DLG2: variants seen among roughly 807,000 people sequenced by gnomAD.
DLG2 encodes the protein discs large MAGUK scaffold protein 2.
DLG2 carries 45 observed loss-of-function variants against 132.5 expected under a neutral mutation model. That is an observed-to-expected ratio of 0.34 (90% CI 0.27 to 0.44). The LOEUF (loss-of-function observed/expected upper bound fraction) is 0.44. Ranked by LOEUF, DLG2 falls within the 20% of genes least tolerant of loss-of-function variation. DLG2 has a pLI of 1.00. For synonymous variants in DLG2, 424 were observed against 419.6 expected, an observed-to-expected ratio of 1.01 and a Z score of -0.13; for missense variants, 1,045 against 1,196.9, an observed-to-expected ratio of 0.87 and a Z score of 1.87.
chr11:83,869,330 C>T (rs1179213410), intron 16 of DLG2, among the ~76,000 whole-genome samples: 1 of 152,092 alleles, frequency 6.6e-6, no homozygotes, highest in Non-Finnish European at 1.5e-5. Context: ...CCCACCCAGG[C>T]AAAAGGAGTA....
chr11:84,930,374 T>C (rs746945893), intron 6 of DLG2, among the ~76,000 whole-genome samples: 3 of 152,142 alleles, frequency 2.0e-5, no homozygotes, highest in Non-Finnish European at 2.9e-5. Context: ...ATAGTATTGT[T>C]AATTATTCTT....
At chr11:85,111,918 G>T (rs1303537549) in intron 5 of DLG2, among the ~76,000 whole-genome samples, 183 bp from the exon 6 acceptor site, 1 of 152,028 alleles carries the variant, frequency 6.6e-6, no homozygotes, top group African/African-American at 2.4e-5. Flanking sequence ...CAAAGCATAA[G>T]AAATTATCCT....
intron 3 of DLG2, among the ~76,000 whole-genome samples, chr11:85,355,075 A>G (rs2083589285): frequency 6.6e-6 from 1 of 152,140 alleles, no homozygotes; most frequent in Non-Finnish European, 1.5e-5. Flanking sequence ...ATGCCATTTA[A>G]TAAATCAGGC....
intron 18 of DLG2, among the ~76,000 whole-genome samples, chr11:83,668,034 G>A (rs1450462030): frequency 7.1e-6 from 1 of 140,454 alleles, no homozygotes; most frequent in Admixed American, 7.2e-5. Flanking sequence ...GCCCCTGGCT[G>A]CCAGTCACTT....
intron 3 of DLG2, among the ~76,000 whole-genome samples, chr11:85,448,101 C>T (rs1245114506): frequency 6.6e-6 from 1 of 152,086 alleles, no homozygotes; most frequent in African/African-American, 2.4e-5. Flanking sequence ...CATAGTTTGA[C>T]TCAAATGAAA....
chr11:84,508,619 C>T (rs777297106), intron 7 of DLG2, among the ~76,000 whole-genome samples: 39 of 152,156 alleles, frequency 2.6e-4, no homozygotes, highest in Middle Eastern at 3.4e-3. Flanking sequence ...AGGCTGGTCT[C>T]GGACTCCTGA....
intron 3 of DLG2, among the ~76,000 whole-genome samples, chr11:85,464,702 TATC>T (rs2092723878): frequency 3.3e-5 from 5 of 152,118 alleles, no homozygotes; most frequent in Admixed American, 3.3e-4. Context: ...TTCAGGCCCT[TATC>T]ATAATCCTAA....
intron 25 of DLG2, 75 bp downstream of exon 25, chr11:83,469,126 C>CAA (rs11464149): frequency 0.02 from 19,008 of 971,198 alleles, 15 homozygotes; most frequent in African/African-American, 0.027. Context: ...GAGTAATGAC[C>CAA]AAAAAAAAAA....
At chr11:85,399,353 G>T (rs1054685077) in intron 3 of DLG2, among the ~76,000 whole-genome samples, 14 of 152,088 alleles carry the variant, frequency 9.2e-5, no homozygotes, top group African/African-American at 3.4e-4. Flanking sequence ...TGGCCATACT[G>T]CCCAAGGTAA....
At chr11:84,172,965 TAGAA>T (rs771025885) in intron 8 of DLG2, among the ~76,000 whole-genome samples, 89 of 152,268 alleles carry the variant, frequency 5.8e-4, no homozygotes, top group Middle Eastern at 3.4e-3. Flanking sequence ...AAATTTTAAT[TAGAA>T]AGCACACGTT....
chr11:84,360,558 C>A (rs917244306), intron 7 of DLG2, among the ~76,000 whole-genome samples: 2 of 151,954 alleles, frequency 1.3e-5, no homozygotes, highest in African/African-American at 4.8e-5. Context: ...CAGCTTACTG[C>A]CTGGAGGCAG....
chr11:84,761,017 C>A (rs758418714), intron 6 of DLG2, among the ~76,000 whole-genome samples: 3 of 152,158 alleles, frequency 2.0e-5, no homozygotes, highest in African/African-American at 4.8e-5. Flanking sequence ...GGACACTGGG[C>A]AAGAGCTCAG....
chr11:85,196,859 C>T (rs2081108015), intron 4 of DLG2, among the ~76,000 whole-genome samples: 1 of 152,272 alleles, frequency 6.6e-6, no homozygotes, highest in South Asian at 2.1e-4. Context: ...AGTCTTCACG[C>T]ACATGCAGTT....
intron 3 of DLG2, among the ~76,000 whole-genome samples, chr11:85,435,007 C>T (rs1373325718): frequency 6.6e-6 from 1 of 152,192 alleles, no homozygotes; most frequent in Admixed American, 6.5e-5. Context: ...GGATGCAAGG[C>T]TGGTTCAACA....
At chr11:83,580,896 T>TTCCCC (rs61595358) in intron 19 of DLG2, among the ~76,000 whole-genome samples, 3 of 112,184 alleles carry the variant, frequency 2.7e-5, no homozygotes, top group South Asian at 3.7e-4. Context: ...CTCCCCTCCC[T>TTCCCC]TCCCCTCCCC....
chr11:84,740,737 C>A (rs57368957), intron 6 of DLG2, among the ~76,000 whole-genome samples: 3 of 152,146 alleles, frequency 2.0e-5, no homozygotes, highest in African/African-American at 7.2e-5. Flanking sequence ...CTGCCACCTG[C>A]ACTTCCAACC....
intron 6 of DLG2, among the ~76,000 whole-genome samples, chr11:85,094,936 C>T (rs552956076): frequency 1.2e-4 from 18 of 152,164 alleles, no homozygotes; most frequent in Non-Finnish European, 2.5e-4. Flanking sequence ...AGAAGTGTGA[C>T]TCTTCTTTTC....
intron 6 of DLG2, among the ~76,000 whole-genome samples, chr11:84,999,075 T>C (rs1278863180): frequency 6.6e-6 from 1 of 152,032 alleles, no homozygotes; most frequent in Non-Finnish European, 1.5e-5. Context: ...GGATTCACTA[T>C]ACCTTGGTCC....
chr11:83,859,644 A>C (rs1301204460), intron 16 of DLG2, among the ~76,000 whole-genome samples: 3 of 152,232 alleles, frequency 2.0e-5, no homozygotes, highest in Non-Finnish European at 4.4e-5. Flanking sequence ...AATGGGATAG[A>C]AAAGAAAATC....
Sources: allele counts gnomAD v4.1 joint callset (sites outside exome capture counted in the v4.1 genomes callset), GRCh38; gene constraint gnomAD v4.1.1; transcripts MANE v1.5; gene names NCBI Gene and HGNC (gene_info 2026-07-23, HGNC 2026-07-21).